The following IQSEC1 variants were observed in gnomAD, a reference collection of about 807,000 sequenced individuals.
IQSEC1 encodes the protein IQ motif and SEC7 domain-containing protein 1.
In IQSEC1, 31 loss-of-function variants were observed where a neutral mutation model predicts 91.0. The ratio of observed to expected loss-of-function variants is 0.34; its 90% CI spans 0.26 to 0.46. The LOEUF (loss-of-function observed/expected upper bound fraction) is 0.46, where lower values mean the gene tolerates loss of function less well. Among genes scored for constraint, IQSEC1 ranks in the 20% least tolerant of loss-of-function variants. The pLI is 1.00. For synonymous variants in IQSEC1, 699 were observed against 662.6 expected, an observed-to-expected ratio of 1.05 and a Z score of -0.84; for missense variants, 1,388 against 1,575.6, an observed-to-expected ratio of 0.88 and a Z score of 2.02.
chr3:12,972,459 C>A (rs1217540002), intron 1 of IQSEC1, among the ~76,000 whole-genome samples: 1 of 152,224 alleles, frequency 6.6e-6, no homozygotes, highest in Non-Finnish European at 1.5e-5. Flanking sequence ...CTCCAGGTTC[C>A]TCGTCTTTCA....
chr3:13,242,203 A>G (rs1177094763), intron 1 of IQSEC1, among the ~76,000 whole-genome samples: 1 of 152,142 alleles, frequency 6.6e-6, no homozygotes, highest in Non-Finnish European at 1.5e-5. Context: ...AGAAGTCAGG[A>G]GGTACTGGGC....
Position 12,955,718 on chromosome 3 carries a change from C to G in IQSEC1, c.24-13853G>C, listed in dbSNP as rs1251585511. 2.0e-5 allele frequency among the ~76,000 whole-genome samples: 3 copies of G among 152,226 alleles called. No individual in the cohort carries two copies. The East Asian group carries it at 5.8e-4, about 29-fold the overall frequency. On this transcript the variant is annotated intron_variant, in intron 1 of 13. Coordinates refer to ENST00000613206, the MANE Select transcript of IQSEC1 (RefSeq NM_001134382.3). The stretch of plus-strand genomic sequence containing the variant: ...GAGGGGCTGGGCAAAGCCCTTTATT[C>G]TCCCGAGCGCCACCGGGCCAGGGCC...
At chr3:12,905,677 G>A (rs1057015681) in intron 12 of IQSEC1, among the ~76,000 whole-genome samples, 2 of 152,372 alleles carry the variant, frequency 1.3e-5, no homozygotes, top group South Asian at 2.1e-4. Flanking sequence ...CTGGGCCCTG[G>A]CCTGCTTCAC....
At chr3:13,156,703 A>G (rs1707090750) in intron 2 of IQSEC1, among the ~76,000 whole-genome samples, 1 of 152,246 alleles carries the variant, frequency 6.6e-6, no homozygotes, top group Non-Finnish European at 1.5e-5. Context: ...CAGATAAGGG[A>G]CAGAAGTAAA....
At chr3:13,215,581 G>A (rs536005758) in intron 1 of IQSEC1, among the ~76,000 whole-genome samples, 2 of 152,300 alleles carry the variant, frequency 1.3e-5, no homozygotes, top group African/African-American at 2.4e-5. Flanking sequence ...TTGGTCCTGG[G>A]GCCGAGGGAG....
intron 1 of IQSEC1, among the ~76,000 whole-genome samples, chr3:13,177,981 G>A (rs1471786823): frequency 6.6e-6 from 1 of 152,228 alleles, no homozygotes; most frequent in East Asian, 1.9e-4. Context: ...GAAAGCCACA[G>A]CAACATCCCT....
chr3:13,002,879 G>T (rs1702480135), intron 1 of IQSEC1, among the ~76,000 whole-genome samples: 1 of 80,244 alleles, frequency 1.2e-5, no homozygotes, highest in Non-Finnish European at 2.5e-5. Flanking sequence ...CACCACTGGT[G>T]GGAACAAAAA....
At chr3:13,023,853 C>A (rs1401289694) in intron 1 of IQSEC1, among the ~76,000 whole-genome samples, 5 of 152,246 alleles carry the variant, frequency 3.3e-5, no homozygotes, top group Admixed American at 6.5e-5. Context: ...CCACAGCAGA[C>A]CTCCACCTGC....
At chr3:13,222,175 A>G (rs1231585700) in intron 1 of IQSEC1, among the ~76,000 whole-genome samples, 3 of 82,944 alleles carry the variant, frequency 3.6e-5, no homozygotes, top group Admixed American at 3.8e-4. Context: ...CCTCCATTCC[A>G]CTTTCTGTCT....
intron 2 of IQSEC1, among the ~76,000 whole-genome samples, chr3:13,096,341 G>A (rs535285369): frequency 6.6e-6 from 1 of 152,334 alleles, no homozygotes; most frequent in Admixed American, 6.5e-5. Context: ...TCAGGGCAGG[G>A]TCAGTGTTGT....
intron 2 of IQSEC1, among the ~76,000 whole-genome samples, chr3:13,137,200 T>C (rs886309051): frequency 3.9e-5 from 6 of 152,132 alleles, no homozygotes; most frequent in African/African-American, 1.4e-4. Flanking sequence ...ATCCGGCAGG[T>C]CCACTCTTAG....
intron 2 of IQSEC1, among the ~76,000 whole-genome samples, chr3:13,150,666 A>G (rs1259697018): frequency 6.6e-6 from 1 of 152,162 alleles, no homozygotes; most frequent in African/African-American, 2.4e-5. Flanking sequence ...ACCTTCATGC[A>G]TTCGATCTCC....
chr3:13,021,918 A>T, intron 1 of IQSEC1: 1 of 593,500 alleles, frequency 1.7e-6, no homozygotes, highest in Non-Finnish European at 2.5e-6. Flanking sequence ...CCAGAGACTG[A>T]AAGTTGCTCC....
rs375961299 is a variant in IQSEC1, at chr3:12,924,177, G to C, written c.1730+404C>G. Among the ~76,000 whole-genome samples the C allele has an allele frequency of 6.6e-6, 1 of 152,186 alleles. No individual in the cohort carries two copies. The highest frequency in any genetic ancestry group is 1.5e-5 in the Non-Finnish European group (1 of 68,034). Reference sequence around the variant, plus strand: ...TGCAGGAGGACAACAGCCAGGCCAGGGGAAGAGGCCCTGACGTCCAGCTGC... The same window carrying C: ...TGCAGGAGGACAACAGCCAGGCCAGCGGAAGAGGCCCTGACGTCCAGCTGC... On this transcript the variant is annotated intron_variant, in intron 4 of 13. Transcript: ENST00000613206. The surrounding 1 kb of genome is among the most constrained non-coding windows in gnomAD (Gnocchi z 6.3).
At chr3:12,939,644 C>T (rs984137513) in intron 2 of IQSEC1, among the ~76,000 whole-genome samples, 1 of 152,214 alleles carries the variant, frequency 6.6e-6, no homozygotes, top group African/African-American at 2.4e-5. Context: ...CGCCTCCTCC[C>T]TCTTACCTCT....
At chr3:13,168,957 A>G (rs1693551816) in intron 1 of IQSEC1, among the ~76,000 whole-genome samples, 1 of 152,206 alleles carries the variant, frequency 6.6e-6, no homozygotes, top group Non-Finnish European at 1.5e-5. Flanking sequence ...TTCCTAATAG[A>G]ACGTCAGCTC....
rs1559594779 is a variant in IQSEC1, at chr3:12,901,027, T to TGGGGGGCGGCGGGGC, written c.3286_3300dup (p.Ala1096_Pro1100dup). ...CCGCTGGGTTTGGCCTTGCTGCTGG[T>TGGGGGGCGGCGGGGC]GGGGGGCGGCGGGGCAGGGGGCTGC... is the stretch of plus-strand genomic sequence containing the variant. On this transcript the variant is annotated inframe_insertion, in exon 14 of 14. Coordinates refer to ENST00000613206, the MANE Select transcript of IQSEC1 (RefSeq NM_001134382.3). 1 of 1,410,544 alleles carries TGGGGGGCGGCGGGGC rather than the reference T, an allele frequency of 7.1e-7. No individual in the cohort carries two copies. Among genetic ancestry groups the TGGGGGGCGGCGGGGC allele is most frequent in the East Asian group, 3.4e-5 (1 of 29,742 alleles). 87.4% of individuals were successfully genotyped at this position (1,410,544 alleles called of 1,614,324 possible).
chr3:13,007,716 C>T lies in IQSEC1; in HGVS notation c.23+65276G>A, dbSNP rs900260269. 2.6e-5 allele frequency among the ~76,000 whole-genome samples: 4 copies of T among 152,340 alleles called. No homozygotes were observed. In the East Asian group the frequency reaches 5.8e-4, roughly 22 times the overall value. ...TTCTTTGCTGCTGCTTGAAAGCCTC[C>T]GCAGGCCACCCACTCCTCACTTCTG... On this transcript the variant is annotated intron_variant, in intron 1 of 13. Coordinates refer to ENST00000613206, the MANE Select transcript of IQSEC1 (RefSeq NM_001134382.3).
intron 2 of IQSEC1, among the ~76,000 whole-genome samples, chr3:13,120,342 C>T (rs1283598675): frequency 6.6e-6 from 1 of 152,160 alleles, no homozygotes; most frequent in Non-Finnish European, 1.5e-5. Context: ...ACACTCGGTC[C>T]AGGACTTCAA....
Sources: allele counts gnomAD v4.1 joint callset (sites outside exome capture counted in the v4.1 genomes callset), GRCh38; gene constraint gnomAD v4.1.1; non-coding constraint Gnocchi (gnomAD v3.1); transcripts MANE v1.5; gene names NCBI Gene and HGNC (gene_info 2026-07-23, HGNC 2026-07-21).